The following NAALADL2 variants were observed in gnomAD, a reference collection of about 807,000 sequenced individuals.
NAALADL2 encodes the protein inactive N-acetylated-alpha-linked acidic dipeptidase-like protein 2.
In NAALADL2, 76 loss-of-function variants were observed where a neutral mutation model predicts 87.2. The ratio of observed to expected loss-of-function variants is 0.87; its 90% CI spans 0.72 to 1.05. The LOEUF is 1.05. Among genes scored for constraint, NAALADL2 ranks in the 50% least tolerant of loss-of-function variants. NAALADL2 has a pLI of 0.00. For missense variants in NAALADL2, 1,089 were observed against 945.8 expected (o/e 1.15, Z -1.99); for synonymous variants, 354 against 331.0 (o/e 1.07, Z -0.75).
rs1157996258 is a variant in NAALADL2 at position 175,611,873 on chromosome 3, A to G, written c.1801-15418A>G. 2.6e-5 allele frequency among the ~76,000 whole-genome samples: 4 copies of G among 152,282 alleles called. No individual in the cohort carries two copies. The East Asian group carries it at 7.7e-4, about 29-fold the overall frequency. On this transcript the variant is annotated intron_variant, in intron 10 of 13. Transcript: ENST00000454872. ...GCTAAAATAGTGGCTTTCTTTAACAACTATTCATTCAGTTAAATGGAATTT... is the reference window on the plus strand; with the variant it reads ...GCTAAAATAGTGGCTTTCTTTAACAGCTATTCATTCAGTTAAATGGAATTT...
intron 1 of NAALADL2, among the ~76,000 whole-genome samples, chr3:175,044,067 G>A (rs1754397327): frequency 6.6e-6 from 1 of 151,808 alleles, no homozygotes; most frequent in Non-Finnish European, 1.5e-5. Flanking sequence ...ATGTTTTATA[G>A]TTTTCATCAT....
At chr3:175,510,760 C>T (rs1381119622) in intron 9 of NAALADL2, among the ~76,000 whole-genome samples, 3 of 152,030 alleles carry the variant, frequency 2.0e-5, no homozygotes, top group Non-Finnish European at 4.4e-5. Flanking sequence ...GGTATTTGTA[C>T]TTTGGATTCA....
At chr3:175,229,768 A>T (rs1272344143) in intron 2 of NAALADL2, among the ~76,000 whole-genome samples, 1 of 152,030 alleles carries the variant, frequency 6.6e-6, no homozygotes, top group African/African-American at 2.4e-5. Context: ...TATTATAAGG[A>T]TGGCATTTCT....
chr3:174,911,861 G>A (rs1170832215), intron 1 of NAALADL2, among the ~76,000 whole-genome samples: 1 of 152,042 alleles, frequency 6.6e-6, no homozygotes. Context: ...AGCCTTTAGA[G>A]CGATTTTGGA....
intron 3 of NAALADL2, among the ~76,000 whole-genome samples, chr3:174,818,205 C>T (rs866485545): frequency 6.6e-6 from 1 of 152,100 alleles, no homozygotes; most frequent in African/African-American, 2.4e-5. Flanking sequence ...TGATTTTCAT[C>T]TTTGCAGCCA....
chr3:174,448,525 T>C (rs1193110718), intron 1 of NAALADL2, among the ~76,000 whole-genome samples: 1 of 152,176 alleles, frequency 6.6e-6, no homozygotes, highest in Non-Finnish European at 1.5e-5. Context: ...TGAAATACTG[T>C]ATTATTTTTA....
intron 2 of NAALADL2, among the ~76,000 whole-genome samples, chr3:174,636,338 T>C (rs1179689120): frequency 6.6e-6 from 1 of 152,094 alleles, no homozygotes; most frequent in Admixed American, 6.6e-5. Flanking sequence ...AGCTGACAAA[T>C]GAGACTATAT....
intron 10 of NAALADL2, among the ~76,000 whole-genome samples, chr3:175,626,687 G>A (rs893808860): frequency 1.3e-5 from 2 of 151,778 alleles, no homozygotes; most frequent in Admixed American, 6.6e-5. Flanking sequence ...TGGAATAACA[G>A]TTACATGCTT....
chr3:174,765,257 G>A (rs1713661423), intron 3 of NAALADL2, among the ~76,000 whole-genome samples: 2 of 151,860 alleles, frequency 1.3e-5, no homozygotes, highest in Non-Finnish European at 1.5e-5. Flanking sequence ...CACCAAATTG[G>A]GAAGGTTATT....
At chr3:175,518,122 G>T (rs1487801138) in intron 9 of NAALADL2, among the ~76,000 whole-genome samples, 1 of 152,172 alleles carries the variant, frequency 6.6e-6, no homozygotes, top group Admixed American at 6.5e-5. Context: ...CTTCTAGGTT[G>T]CTCGTCTATG....
At chr3:175,094,626 A>C (rs888611286) in intron 1 of NAALADL2, among the ~76,000 whole-genome samples, 2 of 151,876 alleles carry the variant, frequency 1.3e-5, no homozygotes, top group Admixed American at 6.6e-5. Flanking sequence ...ACCAAACAAG[A>C]AGAGATGGAG....
At chr3:175,495,469 A>G (rs1728680385) in intron 9 of NAALADL2, among the ~76,000 whole-genome samples, 3 of 152,070 alleles carry the variant, frequency 2.0e-5, no homozygotes. Flanking sequence ...TAGACTTTCA[A>G]CTTACTTCTA....
chr3:175,020,035 T>C (rs1751370567), intron 1 of NAALADL2, among the ~76,000 whole-genome samples: 1 of 152,052 alleles, frequency 6.6e-6, no homozygotes, highest in African/African-American at 2.4e-5. Flanking sequence ...ATGTTACACA[T>C]AATAAGCACA....
chr3:175,400,067 C>T (rs533267630), intron 5 of NAALADL2, among the ~76,000 whole-genome samples: 2 of 151,950 alleles, frequency 1.3e-5, no homozygotes, highest in Non-Finnish European at 2.9e-5. Context: ...TAGTTTTGAA[C>T]AAATGAAATA....
chr3:174,524,003 TTTC>T lies in NAALADL2; in HGVS notation c.-183-26560_-183-26558del, dbSNP rs563136152. On this transcript the variant is annotated intron_variant, in intron 1 of 3. Coordinates refer to the NAALADL2 transcript ENST00000434257. The stretch of plus-strand genomic sequence containing the variant: ...TTTATGAATATACTTGGTCTCTTTA[TTTC>T]TTCTTTTTTTTTGCTTGTATCTATG... Among the ~76,000 whole-genome samples the T allele has an allele frequency of 8.5e-4, 129 of 152,252 alleles. 1 individual carries two copies. Among genetic ancestry groups the T allele is most frequent in the Middle Eastern group, 3.4e-3 (1 of 294 alleles).
chr3:174,494,985 A>G (rs766345131), intron 1 of NAALADL2, among the ~76,000 whole-genome samples: 1 of 152,170 alleles, frequency 6.6e-6, no homozygotes, highest in Non-Finnish European at 1.5e-5. Flanking sequence ...CAGCTTGCCC[A>G]AGTCAGCAAT....
intron 5 of NAALADL2, among the ~76,000 whole-genome samples, chr3:175,427,536 C>A (rs573299216): frequency 1.3e-5 from 2 of 152,218 alleles, no homozygotes; most frequent in African/African-American, 4.8e-5. Flanking sequence ...GAATATTATA[C>A]AACATTTTGC....
At chr3:175,291,909 T>A (rs1755684982) in intron 4 of NAALADL2, among the ~76,000 whole-genome samples, 3 of 152,224 alleles carry the variant, frequency 2.0e-5, no homozygotes, top group African/African-American at 7.2e-5. Context: ...GTTTTAAGAA[T>A]ATATACTAAT....
chr3:175,236,320 T>G (rs1375749843), intron 3 of NAALADL2, among the ~76,000 whole-genome samples: 1 of 151,592 alleles, frequency 6.6e-6, no homozygotes, highest in Non-Finnish European at 1.5e-5. Context: ...CCGAGGCGGG[T>G]GGATCACCTG....
Sources: allele counts gnomAD v4.1 joint callset (sites outside exome capture counted in the v4.1 genomes callset), GRCh38; gene constraint gnomAD v4.1.1; transcripts MANE v1.5; gene names NCBI Gene and HGNC (gene_info 2026-07-23, HGNC 2026-07-21).